CDH13: variants seen among roughly 807,000 people sequenced by gnomAD.
The protein encoded by CDH13 is cadherin 13.
Under a neutral mutation model 63.8 loss-of-function variants are expected in CDH13, and 24 were observed. That is an observed-to-expected ratio of 0.38 (90% CI 0.27 to 0.53). The LOEUF is 0.53. Among genes scored for constraint, CDH13 ranks in the 20% least tolerant of loss-of-function variants. The pLI is 0.85. For missense variants in CDH13, 1,049 were observed against 903.1 expected, an observed-to-expected ratio of 1.16 and a Z score of -2.07; for synonymous variants, 503 against 355.3, an observed-to-expected ratio of 1.42 and a Z score of -4.67.
chr16:82,658,751 T>C (rs941984947), intron 1 of CDH13, among the ~76,000 whole-genome samples: 3 of 152,230 alleles, frequency 2.0e-5, no homozygotes, highest in Non-Finnish European at 4.4e-5. Flanking sequence ...TTTGAATGTG[T>C]GCCCAGTGTC....
At chr16:83,063,453 G>A (rs1158178361) in intron 3 of CDH13, among the ~76,000 whole-genome samples, 2 of 152,134 alleles carry the variant, frequency 1.3e-5, no homozygotes, top group African/African-American at 2.4e-5. Context: ...CAAGGAATGT[G>A]CAGCCATTTT....
intron 2 of CDH13, among the ~76,000 whole-genome samples, chr16:82,952,803 G>A (rs1409474552): frequency 6.6e-6 from 1 of 152,154 alleles, no homozygotes; most frequent in African/African-American, 2.4e-5. Context: ...TGAAGCCTTA[G>A]GAAGGAAACC....
chr16:82,715,937 A>G (rs547288986), intron 1 of CDH13, among the ~76,000 whole-genome samples: 1 of 152,292 alleles, frequency 6.6e-6, no homozygotes, highest in Admixed American at 6.5e-5. Context: ...GATGCCTTTT[A>G]TGAGCTCTTT....
chr16:82,873,368 G>T lies in CDH13; in HGVS notation c.157+14895G>T, dbSNP rs1373162114. On this transcript the variant is annotated intron_variant, in intron 2 of 13. Transcript: ENST00000567109. ...GATCTCACTAAAAAGTGTCAGTGGT[G>T]TTACAATCCTCTGACTCCAAACCCC... Among the ~76,000 whole-genome samples, 4 of 152,308 alleles carry T rather than the reference G, an allele frequency of 2.6e-5. No individual in the cohort carries two copies. The East Asian group carries it at 5.8e-4, about 22-fold the overall frequency.
chr16:83,493,692 G>T (rs896889161), intron 7 of CDH13, among the ~76,000 whole-genome samples: 1 of 152,192 alleles, frequency 6.6e-6, no homozygotes, highest in African/African-American at 2.4e-5. Context: ...ATTGCAAAAG[G>T]CTTCTAATGT....
chr16:83,519,979 G>C (rs1255793223), intron 7 of CDH13, among the ~76,000 whole-genome samples: 1 of 152,086 alleles, frequency 6.6e-6, no homozygotes, highest in East Asian at 1.9e-4. Flanking sequence ...GCAAATCATA[G>C]CAAATAAAGA....
chr16:83,136,701 T>G (rs1055425164), intron 4 of CDH13, among the ~76,000 whole-genome samples: 4 of 152,108 alleles, frequency 2.6e-5, no homozygotes, highest in South Asian at 4.1e-4. Flanking sequence ...ACACCAGGGA[T>G]GTTCCGCAGC....
intron 4 of CDH13, among the ~76,000 whole-genome samples, chr16:83,142,158 TTG>T (rs1491209848): frequency 7.8e-6 from 1 of 127,676 alleles, no homozygotes; most frequent in African/African-American, 2.9e-5. Context: ...TTGTTTGTTT[TTG>T]TTTTTTTTTT....
chr16:83,261,440 G>A (rs538344880), intron 5 of CDH13, among the ~76,000 whole-genome samples: 12 of 152,234 alleles, frequency 7.9e-5, no homozygotes, highest in Admixed American at 3.9e-4. Context: ...CCTGGCATCT[G>A]GTAGGTAAGA....
At chr16:83,620,762 T>TAA (rs1460090581) in intron 8 of CDH13, among the ~76,000 whole-genome samples, 1 of 152,180 alleles carries the variant, frequency 6.6e-6, no homozygotes, top group Non-Finnish European at 1.5e-5. Context: ...AGCTACATGG[T>TAA]AAGAGTCTGG....
intron 2 of CDH13, chr16:82,859,547 G>C (rs572893630): frequency 3.6e-4 from 55 of 151,546 alleles, no homozygotes; most frequent in African/African-American, 1.3e-3. Context: ...GACAGAGCGA[G>C]ACTGTGTCTC....
At chr16:83,251,613 C>G (rs1905543106) in intron 5 of CDH13, among the ~76,000 whole-genome samples, 1 of 152,204 alleles carries the variant, frequency 6.6e-6, no homozygotes, top group South Asian at 2.1e-4. Flanking sequence ...GGGGCCAGTT[C>G]TAGAGAAGGC....
At chr16:83,348,753 A>G (rs1470609129) in intron 6 of CDH13, among the ~76,000 whole-genome samples, 3 of 152,216 alleles carry the variant, frequency 2.0e-5, no homozygotes, top group Admixed American at 1.3e-4. Context: ...GCAAATGGGG[A>G]TAGAATATAA....
Position 82,881,948 on chromosome 16 carries a change from C to T in CDH13, c.157+23475C>T, listed in dbSNP as rs183663276. On this transcript the variant is annotated intron_variant, in intron 2 of 13. Transcript: ENST00000567109. ...TTACTCTGCTGTTTAACCTGCAGTA[C>T]TAATTCCTGTCTTTCAAGAACTCTG... Among the ~76,000 whole-genome samples the T allele has an allele frequency of 2.7e-3, 414 of 152,302 alleles. 4 individuals carry two copies. The highest frequency in any genetic ancestry group is 4.3e-3 in the Non-Finnish European group (291 of 68,030).
chr16:83,495,609 A>G (rs1172117579), intron 7 of CDH13, among the ~76,000 whole-genome samples: 1 of 152,206 alleles, frequency 6.6e-6, no homozygotes, highest in African/African-American at 2.4e-5. Context: ...GCTTTGCAGG[A>G]CTATTTCAAG....
intron 7 of CDH13, among the ~76,000 whole-genome samples, chr16:83,574,799 G>A (rs1904959270): frequency 6.6e-6 from 1 of 152,014 alleles, no homozygotes; most frequent in Non-Finnish European, 1.5e-5. Flanking sequence ...AACTTCTGGG[G>A]CCAACAGGGC....
At chr16:83,779,406 C>CAAAAAAAAAAAAAAA (rs144757645) in intron 11 of CDH13, among the ~76,000 whole-genome samples, 1 of 82,580 alleles carries the variant, frequency 1.2e-5, no homozygotes, top group African/African-American at 5.6e-5. Flanking sequence ...GACTCCATCT[C>CAAAAAAAAAAAAAAA]AAAAAAAAAA....
chr16:83,507,901 G>A (rs117520610), intron 7 of CDH13, among the ~76,000 whole-genome samples: 1 of 150,974 alleles, frequency 6.6e-6, no homozygotes. Flanking sequence ...CCGTGGTGGC[G>A]GGCGCCTGTA....
At chr16:83,032,538 T>A (rs1364524577) in intron 3 of CDH13, among the ~76,000 whole-genome samples, 1 of 152,166 alleles carries the variant, frequency 6.6e-6, no homozygotes, top group Non-Finnish European at 1.5e-5. Flanking sequence ...TTTTATTAGA[T>A]GTATTGAGAC....
Sources: allele counts gnomAD v4.1 joint callset (sites outside exome capture counted in the v4.1 genomes callset), GRCh38; gene constraint gnomAD v4.1.1; transcripts MANE v1.5; gene names NCBI Gene and HGNC (gene_info 2026-07-23, HGNC 2026-07-21).